The following MSRA variants were observed in gnomAD, a reference collection of about 807,000 sequenced individuals.
MSRA encodes the protein methionine sulfoxide reductase A, also known as mitochondrial peptide methionine sulfoxide reductase.
Under a neutral mutation model 31.3 loss-of-function variants are expected in MSRA, and 54 were observed. That is an observed-to-expected ratio of 1.73 (90% CI 1.39 to 2.17). MSRA has a LOEUF of 2.17. Among genes scored for constraint, MSRA ranks in the 30% most tolerant of loss-of-function variants. MSRA has a pLI of 0.00. For synonymous variants in MSRA, 169 were observed against 116.5 expected (o/e 1.45, Z -2.90); for missense variants, 507 against 300.9 (o/e 1.69, Z -5.07).
intron 1 of MSRA, among the ~76,000 whole-genome samples, chr8:10,160,458 G>A (rs1026338832): frequency 1.3e-5 from 2 of 150,546 alleles, no homozygotes; most frequent in African/African-American, 2.5e-5. Flanking sequence ...TGGTGCCACC[G>A]CACTCTAGCC....
chr8:10,228,015 C>T (rs1352022655), intron 2 of MSRA, among the ~76,000 whole-genome samples: 1 of 152,134 alleles, frequency 6.6e-6, no homozygotes, highest in Non-Finnish European at 1.5e-5. Context: ...TTTGAATCCC[C>T]CCTCCCCTGC....
chr8:10,388,314 T>A (rs1437783624), intron 5 of MSRA, among the ~76,000 whole-genome samples: 5 of 152,182 alleles, frequency 3.3e-5, no homozygotes, highest in Non-Finnish European at 1.5e-5. Flanking sequence ...GATAAGGGTC[T>A]TGTGATTTAA....
intron 2 of MSRA, among the ~76,000 whole-genome samples, chr8:10,208,907 C>A (rs908835126): frequency 9.9e-5 from 15 of 152,220 alleles, no homozygotes; most frequent in Non-Finnish European, 4.4e-5. Context: ...AAATTAGCCT[C>A]AGAACAACCT....
At chr8:10,215,197 C>G (rs930287835) in intron 2 of MSRA, among the ~76,000 whole-genome samples, 6 of 152,140 alleles carry the variant, frequency 3.9e-5, no homozygotes, top group African/African-American at 1.2e-4. Flanking sequence ...TAAGTAAGAA[C>G]CAGAAAGTGA....
At chr8:10,318,476 C>T (rs954812801) in intron 4 of MSRA, among the ~76,000 whole-genome samples, 4 of 152,090 alleles carry the variant, frequency 2.6e-5, no homozygotes, top group African/African-American at 4.8e-5. Context: ...TTGACACACA[C>T]GAATTCTTTC....
At position 10,204,268 on chromosome 8, in the gene MSRA, A is replaced by G. The variant is rs77537897; in HGVS notation, c.143-3565A>G. On this transcript the variant is annotated intron_variant, in intron 1 of 5. Coordinates refer to ENST00000317173, the MANE Select transcript of MSRA (RefSeq NM_012331.5). ...AGAAAGAAAATTTAAAAAACAATTT[A>G]GTGTAGCCTAAGTGCGTGATATTTA... 1.8e-3 allele frequency among the ~76,000 whole-genome samples: 273 copies of G among 152,348 alleles called. 11 individuals are homozygous for G. The East Asian group carries it at 0.051, about 28-fold the overall frequency.
intron 5 of MSRA, among the ~76,000 whole-genome samples, chr8:10,412,208 G>A (rs759126776): frequency 6.6e-6 from 1 of 152,178 alleles, no homozygotes; most frequent in African/African-American, 2.4e-5. Context: ...ACAAATAATT[G>A]TATATGAAAA....
chr8:10,089,138 C>CCA (rs10566550), intron 1 of MSRA, among the ~76,000 whole-genome samples: 20,049 of 150,010 alleles, frequency 0.13, 1,406 homozygotes, highest in African/African-American at 0.18. Flanking sequence ...TGCTTTTGTC[C>CCA]CACACACACA....
intron 5 of MSRA, among the ~76,000 whole-genome samples, chr8:10,335,295 C>T (rs757265922): frequency 8.3e-6 from 1 of 120,864 alleles, no homozygotes; most frequent in Non-Finnish European, 1.6e-5. Context: ...ATTTGAAATC[C>T]GGCCCTGTGA....
At chr8:10,135,740 G>A (rs144716819) in intron 1 of MSRA, among the ~76,000 whole-genome samples, 7 of 152,264 alleles carry the variant, frequency 4.6e-5, no homozygotes, top group East Asian at 3.9e-4. Flanking sequence ...GCCAAATATC[G>A]GTAATTCCAA....
At chr8:10,062,260 C>T (rs1185924760) in intron 1 of MSRA, among the ~76,000 whole-genome samples, 1 of 152,170 alleles carries the variant, frequency 6.6e-6, no homozygotes, top group Non-Finnish European at 1.5e-5. Flanking sequence ...TGGCCCTGCC[C>T]TCCTGTTTCA....
chr8:10,228,485 G>C (rs1286378942), intron 2 of MSRA, among the ~76,000 whole-genome samples: 1 of 152,012 alleles, frequency 6.6e-6, no homozygotes, highest in African/African-American at 2.4e-5. Flanking sequence ...CATTTATCAG[G>C]TGCCACTGAA....
At chr8:10,092,079 G>C (rs1043996308) in intron 1 of MSRA, among the ~76,000 whole-genome samples, 1 of 101,524 alleles carries the variant, frequency 9.8e-6, no homozygotes, top group Non-Finnish European at 2.6e-5. Flanking sequence ...GAGTTAAAGG[G>C]TCTGTAGTAC....
At chr8:10,398,431 C>T (rs1807238267) in intron 5 of MSRA, among the ~76,000 whole-genome samples, 2 of 152,242 alleles carry the variant, frequency 1.3e-5, no homozygotes, top group Non-Finnish European at 2.9e-5. Context: ...AGTTGTTCTG[C>T]AGCCTTCGTT....
chr8:10,293,874 T>C (rs1187093354), intron 3 of MSRA, among the ~76,000 whole-genome samples: 1 of 152,142 alleles, frequency 6.6e-6, no homozygotes, highest in Non-Finnish European at 1.5e-5. Flanking sequence ...TCTGTGGCGC[T>C]CTAGACCAGT....
chr8:10,313,779 C>T (rs1801566368), intron 4 of MSRA, among the ~76,000 whole-genome samples: 2 of 152,156 alleles, frequency 1.3e-5, no homozygotes, highest in African/African-American at 2.4e-5. Context: ...TTCCAGATAT[C>T]GAGTCATTAT....
At chr8:10,284,897 C>T (rs1288568147) in intron 3 of MSRA, among the ~76,000 whole-genome samples, 1 of 152,066 alleles carries the variant, frequency 6.6e-6, no homozygotes, top group African/African-American at 2.4e-5. Flanking sequence ...CTGTTTGCCA[C>T]TATTATTATC....
chr8:10,112,716 A>G (rs1800378276), intron 1 of MSRA, among the ~76,000 whole-genome samples: 1 of 152,262 alleles, frequency 6.6e-6, no homozygotes, highest in Non-Finnish European at 1.5e-5. Flanking sequence ...ACGACAGAGA[A>G]AAACACAGAG....
At chr8:10,281,300 A>G (rs187058779) in intron 3 of MSRA, among the ~76,000 whole-genome samples, 15 of 152,342 alleles carry the variant, frequency 9.8e-5, no homozygotes, top group Middle Eastern at 3.4e-3. Flanking sequence ...CCTCTCTGCC[A>G]TTCTCCTGGA....
Sources: allele counts gnomAD v4.1 joint callset (sites outside exome capture counted in the v4.1 genomes callset), GRCh38; gene constraint gnomAD v4.1.1; transcripts MANE v1.5; gene names NCBI Gene and HGNC (gene_info 2026-07-23, HGNC 2026-07-21).